The following RBFOX1 variants were observed in gnomAD, a reference collection of about 807,000 sequenced individuals.
The protein encoded by RBFOX1 is RNA binding fox-1 homolog 1.
RBFOX1 carries 8 observed loss-of-function variants against 57.7 expected under a neutral mutation model. The ratio of observed to expected loss-of-function variants is 0.14; its 90% confidence interval spans 0.08 to 0.25. The LOEUF is 0.25. RBFOX1 is among the 10% of genes least tolerant of loss of function. The pLI, the probability that RBFOX1 is intolerant of heterozygous loss-of-function variation, is 1.00. For missense variants in RBFOX1, 611 were observed against 548.5 expected (o/e 1.11, Z -1.14); for synonymous variants, 326 against 222.4 (o/e 1.47, Z -4.15).
intron 1 of RBFOX1, among the ~76,000 whole-genome samples, chr16:5,241,421 C>G (rs1020770432): frequency 2.6e-5 from 4 of 152,166 alleles, no homozygotes; most frequent in Non-Finnish European, 2.9e-5. Context: ...CCCTCTCACT[C>G]CCTCTACCTC....
At chr16:5,688,539 G>A (rs868095468) in intron 3 of RBFOX1, among the ~76,000 whole-genome samples, 11 of 152,168 alleles carry the variant, frequency 7.2e-5, no homozygotes, top group African/African-American at 2.7e-4. Flanking sequence ...GTCCAGTGAT[G>A]TTCCCTTTCC....
intron 2 of RBFOX1, among the ~76,000 whole-genome samples, chr16:5,580,041 G>A (rs1325488552): frequency 6.6e-6 from 1 of 152,164 alleles, no homozygotes; most frequent in African/African-American, 2.4e-5. Flanking sequence ...AAAGTGCTGG[G>A]ATTACAGGTG....
intron 3 of RBFOX1, among the ~76,000 whole-genome samples, chr16:7,029,812 A>G (rs1273223081): frequency 6.6e-6 from 1 of 152,184 alleles, no homozygotes; most frequent in African/African-American, 2.4e-5. Context: ...GACATTATGA[A>G]AAGCATGGCT....
At chr16:6,348,102 G>A (rs2085677999) in intron 2 of RBFOX1, among the ~76,000 whole-genome samples, 1 of 152,132 alleles carries the variant, frequency 6.6e-6, no homozygotes, top group African/African-American at 2.4e-5. Context: ...TGCTCTGAGG[G>A]AGGTTATAGC....
intron 10 of RBFOX1, 114 bp downstream of exon 10, chr16:7,607,452 C>G: frequency 1.0e-6 from 1 of 979,476 alleles, no homozygotes; most frequent in Non-Finnish European, 1.6e-6. Context: ...CCTATCCTAA[C>G]AAGTTCTGAA....
At chr16:7,395,349 A>G (rs185157109) in intron 4 of RBFOX1, among the ~76,000 whole-genome samples, 136 of 152,362 alleles carry the variant, frequency 8.9e-4, no homozygotes, top group Middle Eastern at 6.8e-3. Flanking sequence ...AGATGATTGA[A>G]ATTATTTCTT....
At chr16:6,085,517 C>G (rs916727204) in intron 1 of RBFOX1, among the ~76,000 whole-genome samples, 1 of 152,158 alleles carries the variant, frequency 6.6e-6, no homozygotes, top group African/African-American at 2.4e-5. Flanking sequence ...GTGATCTGCC[C>G]GCCTCGGCCT....
At chr16:6,813,405 C>G (rs2089264104) in intron 3 of RBFOX1, among the ~76,000 whole-genome samples, 2 of 152,092 alleles carry the variant, frequency 1.3e-5, no homozygotes. Flanking sequence ...TATGGGTTCC[C>G]AGGTGTCACC....
chr16:7,703,409 G>C (rs1017904232), intron 14 of RBFOX1, among the ~76,000 whole-genome samples: 1 of 152,152 alleles, frequency 6.6e-6, no homozygotes, highest in Non-Finnish European at 1.5e-5. Context: ...GAGCTGAGCA[G>C]ATTTCACTCA....
intron 1 of RBFOX1, among the ~76,000 whole-genome samples, chr16:5,447,932 TG>T (rs1173118127): frequency 6.6e-6 from 1 of 152,176 alleles, no homozygotes; most frequent in East Asian, 1.9e-4. Flanking sequence ...ACTCATTCTG[TG>T]TAGAGTGACT....
At chr16:6,005,043 T>C (rs2060668592) in intron 4 of RBFOX1, among the ~76,000 whole-genome samples, 1 of 151,980 alleles carries the variant, frequency 6.6e-6, no homozygotes, top group African/African-American at 2.4e-5. Flanking sequence ...AAGAAGAGAG[T>C]GTGTTTTAAT....
At chr16:5,480,366 T>C (rs985860365) in intron 2 of RBFOX1, among the ~76,000 whole-genome samples, 2 of 142,716 alleles carry the variant, frequency 1.4e-5, no homozygotes, top group Non-Finnish European at 3.1e-5. Flanking sequence ...CTATGCATCA[T>C]GTATAGATTA....
chr16:7,218,066 T>TGC (rs2092387687), intron 4 of RBFOX1, among the ~76,000 whole-genome samples: 3 of 124,088 alleles, frequency 2.4e-5, no homozygotes, highest in Admixed American at 8.5e-5. Flanking sequence ...CGTGTGCGTG[T>TGC]GTGTGTGTGC....
intron 14 of RBFOX1, among the ~76,000 whole-genome samples, chr16:7,706,493 C>G (rs2082482341): frequency 1.3e-5 from 2 of 152,206 alleles, no homozygotes; most frequent in South Asian, 4.1e-4. Flanking sequence ...GGGAGCTACG[C>G]TTTTATTAAA....
chr16:6,570,511 A>C (rs940867395), intron 2 of RBFOX1, among the ~76,000 whole-genome samples: 3 of 152,198 alleles, frequency 2.0e-5, no homozygotes, highest in African/African-American at 7.2e-5. Flanking sequence ...ATATATATAC[A>C]CACATACATA....
Position 6,556,092 on chromosome 16 carries a change from C to A in RBFOX1, c.-63-98511C>A, listed in dbSNP as rs151110957. Among the ~76,000 whole-genome samples the A allele has an allele frequency of 3.5e-3, 528 of 152,220 alleles. 3 individuals carry two copies. The highest frequency in any genetic ancestry group is 0.012 in the African/African-American group (507 of 41,534). On this transcript the variant is annotated intron_variant, in intron 2 of 15. Coordinates refer to ENST00000550418, the MANE Select transcript of RBFOX1 (RefSeq NM_018723.4). ...TGGCCTTCAGAATTATAATTTAAAT[C>A]TTCTATTCCTCCAGAACTCAGGACA... is the stretch of plus-strand genomic sequence containing the variant.
intron 2 of RBFOX1, among the ~76,000 whole-genome samples, chr16:5,490,276 C>T (rs144768393): frequency 7.1e-4 from 108 of 152,356 alleles, no homozygotes; most frequent in Non-Finnish European, 1.3e-3. Flanking sequence ...AAGTGACATA[C>T]ATGCTTCATT....
chr16:6,863,752 T>TTTTTTTTTTTTTTTTTTTA (rs2059425841), intron 3 of RBFOX1, among the ~76,000 whole-genome samples: 1 of 119,942 alleles, frequency 8.3e-6, no homozygotes, highest in Admixed American at 8.8e-5. Flanking sequence ...TTTTTTTTTT[T>TTTTTTTTTTTTTTTTTTTA]ACCAAAACCA....
chr16:6,294,345 T>G (rs17139775), intron 1 of RBFOX1, among the ~76,000 whole-genome samples: 1 of 152,178 alleles, frequency 6.6e-6, no homozygotes, highest in Admixed American at 6.5e-5. Flanking sequence ...ATGGTCCCAG[T>G]ATGGTTAGAT....
Sources: allele counts gnomAD v4.1 joint callset (sites outside exome capture counted in the v4.1 genomes callset), GRCh38; gene constraint gnomAD v4.1.1; transcripts MANE v1.5; gene names NCBI Gene and HGNC (gene_info 2026-07-23, HGNC 2026-07-21).